SCIMP: variants seen among roughly 807,000 people sequenced by gnomAD.
SCIMP encodes the protein SLP adapter and CSK-interacting membrane protein.
A neutral mutation model predicts 22.0 loss-of-function variants in SCIMP; 18 were observed. That is an observed-to-expected ratio of 0.82 (90% confidence interval 0.56 to 1.21). SCIMP has a LOEUF of 1.21. Ranked by LOEUF, SCIMP falls within the 50% of genes most tolerant of loss-of-function variation. The pLI, the probability that SCIMP is intolerant of heterozygous loss-of-function variation, is 0.00. For synonymous variants in SCIMP, 53 were observed against 62.2 expected (o/e 0.85, Z 0.70); for missense variants, 155 against 171.2 (o/e 0.91, Z 0.53).
chr17:5,229,688 G>A (rs980218513), intron 1 of SCIMP, among the ~76,000 whole-genome samples: 1 of 151,510 alleles, frequency 6.6e-6, no homozygotes, highest in East Asian at 2.0e-4. Context: ...GAGCCACTGC[G>A]TCCGGCGTAT....
chr17:5,233,566 T>A (rs192089578), intron 1 of SCIMP, among the ~76,000 whole-genome samples: 48 of 152,170 alleles, frequency 3.2e-4, no homozygotes, highest in Non-Finnish European at 5.6e-4. Context: ...AGAGACAGGG[T>A]TTCACCATGT....
chr17:5,224,489 G>A (rs973033061), intron 1 of SCIMP, among the ~76,000 whole-genome samples: 2 of 149,020 alleles, frequency 1.3e-5, no homozygotes, highest in Admixed American at 1.4e-4. Flanking sequence ...TTGAGACAGA[G>A]GCTTGCTCTG....
At chr17:5,224,083 T>G (rs765578719) in intron 1 of SCIMP, among the ~76,000 whole-genome samples, 1 of 152,224 alleles carries the variant, frequency 6.6e-6, no homozygotes, top group Non-Finnish European at 1.5e-5. Flanking sequence ...CACTGCTCTT[T>G]CAGACATGCA....
chr17:5,223,124 G>A lies in SCIMP; in HGVS notation c.145+209C>T, dbSNP rs1360050970. 3.3e-5 allele frequency among the ~76,000 whole-genome samples: 5 copies of A among 152,320 alleles called. No individual in the cohort carries two copies. In the South Asian group the frequency reaches 6.2e-4, roughly 19 times the overall value. On this transcript the variant is annotated intron_variant, in intron 2 of 4. Coordinates refer to ENST00000574081, the MANE Select transcript of SCIMP (RefSeq NM_207103.3). ...GAAGGGCTCTTGGAGATTAGTTGAT[G>A]TCCCTCCTTTCACTGTGTGGATGAG...
At chr17:5,228,194 A>G (rs12942232) in intron 1 of SCIMP, among the ~76,000 whole-genome samples, 4,282 of 151,760 alleles carry the variant, frequency 0.028, 94 homozygotes, top group Non-Finnish European at 0.043. Flanking sequence ...TAAAAATGAA[A>G]AATAAGTTGG....
rs895112122 is a variant in SCIMP, at chr17:5,214,956, T to G, written c.252A>C (p.Pro84=). The change falls in exon 4 of 5, where the codon CCA becomes CCC. Residue 84 remains proline, a synonymous_variant. Transcript: ENST00000574081. ...CTTCTAGAGAAGGCCAATTCCTCGG[T>G]GGCAGAGGCGGTAATTGAACTGGCG... ...NESPVQLPPL[P]PRNWPSLEDS... 1 of 1,608,790 alleles carries G rather than the reference T, an allele frequency of 6.2e-7. No homozygotes were observed. The highest frequency in any genetic ancestry group is 1.3e-5 in the African/African-American group (1 of 74,654).
intron 2 of SCIMP, 61 bp from the exon 3 acceptor site, chr17:5,221,411 T>A: frequency 7.7e-7 from 1 of 1,306,492 alleles, no homozygotes; most frequent in Non-Finnish European, 1.1e-6. Context: ...TTTTTTAATT[T>A]AACCCAGAGA....
In SCIMP at chr17:5,234,833, C is replaced by T. The variant is rs1238212760; in HGVS notation, c.-78G>A. ...GCTGGTGAGAGGCATTCCTCACTCA[C>T]AGGCCTTCACCCACTGCTAGAGACA... On this transcript the variant is annotated 5_prime_UTR_variant, in exon 1 of 5. In the 5' UTR this introduces an upstream ATG that the reference lacks. Transcript: ENST00000574081. The T allele has an allele frequency of 1.3e-6, 2 of 1,564,282 alleles. No individual in the cohort carries two copies. The highest frequency in any genetic ancestry group is 2.3e-5 in the East Asian group (1 of 42,962).
chr17:5,224,260 G>A (rs1259428921), intron 1 of SCIMP, among the ~76,000 whole-genome samples: 3 of 151,002 alleles, frequency 2.0e-5, no homozygotes, highest in South Asian at 2.1e-4. Context: ...TCAGCCTCCC[G>A]AGTAGCTGGG....
chr17:5,234,857 C>T lies in SCIMP; in HGVS notation c.-102G>A. The stretch of plus-strand genomic sequence containing the variant: ...ACAGGCCTTCACCCACTGCTAGAGA[C>T]AGTGAGCCCCATCCTGACCACTTCC... On this transcript the variant is annotated 5_prime_UTR_variant, in exon 1 of 5. Coordinates refer to ENST00000574081, the MANE Select transcript of SCIMP (RefSeq NM_207103.3). 1 of 1,548,144 alleles carries T rather than the reference C, an allele frequency of 6.5e-7. No individual in the cohort carries two copies. The highest frequency in any genetic ancestry group is 8.7e-7 in the Non-Finnish European group (1 of 1,147,364).
intron 3 of SCIMP, among the ~76,000 whole-genome samples, chr17:5,219,295 G>A (rs1456782761): frequency 6.6e-6 from 1 of 150,918 alleles, no homozygotes; most frequent in Admixed American, 6.7e-5. Context: ...CTCCAGCCTG[G>A]GTGACAGAGC....
chr17:5,232,364 G>GTAAACAGTGCAGTGTAAACAGTGCAGTA (rs2074705452), intron 1 of SCIMP, among the ~76,000 whole-genome samples: 1 of 7,154 alleles, frequency 1.4e-4, no homozygotes, highest in Non-Finnish European at 3.4e-4. Flanking sequence ...ACAGTGCAGT[G>GTAAACAGTGCAGTGTAAACAGTGCAGTA]TAAACAGTGC....
At chr17:5,221,460 G>A (rs146993163) in intron 2 of SCIMP, 110 bp from the exon 3 acceptor site, 7 of 819,060 alleles carry the variant, frequency 8.5e-6, no homozygotes, top group East Asian at 2.5e-5. Context: ...TGATAGAGCC[G>A]GACTTAGAAC....
chr17:5,214,924 C>T lies in SCIMP; in HGVS notation c.283+1G>A. ...AACTGCTACCAGTAAAATATACTTA[C>T]AAGAGTCTTCTAGAGAAGGCCAATT... On this transcript the variant is annotated splice_donor_variant, in intron 4 of 4. Transcript: ENST00000574081. LOFTEE classifies it high-confidence loss of function. 6.8e-7 allele frequency: 1 copy of T among 1,476,394 alleles called. No individual in the cohort carries two copies. Among genetic ancestry groups the T allele is most frequent in the Non-Finnish European group, 9.2e-7 (1 of 1,084,006 alleles). 91.5% of individuals were successfully genotyped at this position (1,476,394 alleles called of 1,614,324 possible). A position where few individuals can be genotyped will look rare whatever the true frequency, so the allele number is the denominator to read the frequency against.
intron 3 of SCIMP, among the ~76,000 whole-genome samples, chr17:5,217,030 G>A (rs1203008722): frequency 3.9e-5 from 6 of 152,242 alleles, no homozygotes; most frequent in African/African-American, 1.4e-4. Context: ...TTTTTAGGTT[G>A]TTAGGTTGAG....
intron 1 of SCIMP, among the ~76,000 whole-genome samples, chr17:5,231,870 C>T (rs1597296844): frequency 2.6e-5 from 4 of 152,206 alleles, no homozygotes; most frequent in Admixed American, 6.5e-5. Flanking sequence ...CTGGCTAACA[C>T]AATGAAACCC....
At position 5,210,539 on chromosome 17, in the gene SCIMP, A is replaced by C. The variant is rs1279673251; in HGVS notation, c.*262T>G. ...GCCATGGAGCCCCGTGGTCCTTCCCATGGAAAGTTTCCTCAACAGCACAAG... is the reference window on the plus strand; with the variant it reads ...GCCATGGAGCCCCGTGGTCCTTCCCCTGGAAAGTTTCCTCAACAGCACAAG... On this transcript the variant is annotated 3_prime_UTR_variant, in exon 5 of 5. Coordinates refer to ENST00000574081, the MANE Select transcript of SCIMP (RefSeq NM_207103.3). The C allele has an allele frequency of 2.7e-6, 1 of 366,458 alleles. No individual in the cohort carries two copies. Among genetic ancestry groups the C allele is most frequent in the African/African-American group, 2.1e-5 (1 of 47,600 alleles). 22.7% of individuals were successfully genotyped at this position (366,458 alleles called of 1,614,324 possible). A position where few individuals can be genotyped will look rare whatever the true frequency, so the allele number is the denominator to read the frequency against.
intron 3 of SCIMP, among the ~76,000 whole-genome samples, chr17:5,220,635 T>C (rs921068552): frequency 6.6e-6 from 1 of 151,768 alleles, no homozygotes; most frequent in Non-Finnish European, 1.5e-5. Context: ...TCTCAGCTAC[T>C]TGGAAGGCTG....
intron 4 of SCIMP, among the ~76,000 whole-genome samples, chr17:5,212,224 C>T (rs1174887213): frequency 6.6e-6 from 1 of 152,242 alleles, no homozygotes; most frequent in Non-Finnish European, 1.5e-5. Flanking sequence ...TTGCAGAACT[C>T]TGCAGTTTGA....
Sources: allele counts gnomAD v4.1 joint callset (sites outside exome capture counted in the v4.1 genomes callset), GRCh38; gene constraint gnomAD v4.1.1; transcripts MANE v1.5; gene names NCBI Gene and HGNC (gene_info 2026-07-23, HGNC 2026-07-21).